Variants in FAM240C observed in about 807,000 individuals in gnomAD.
FAM240C encodes the protein protein FAM240C.
FAM240C carries 14 observed loss-of-function variants against 10.0 expected under a neutral mutation model. The ratio of observed to expected loss-of-function variants is 1.40; its 90% CI spans 0.92 to 2.19. The LOEUF is 2.19. FAM240C is among the 30% of genes most tolerant of loss of function. FAM240C has a pLI of 0.00. For missense variants in FAM240C, 154 were observed against 122.3 expected, an observed-to-expected ratio of 1.26 and a Z score of -1.22; for synonymous variants, 49 against 44.3, an observed-to-expected ratio of 1.11 and a Z score of -0.42.
intron 2 of FAM240C, among the ~76,000 whole-genome samples, chr2:241,894,579 G>A (rs939413241): frequency 3.8e-5 from 5 of 132,520 alleles, no homozygotes; most frequent in Admixed American, 9.9e-5. Flanking sequence ...TTGGTGGGGG[G>A]GGGGGGGGGC....
chr2:241,896,911 G>T lies in FAM240C; in HGVS notation c.161+275C>A, dbSNP rs148801852. Among the ~76,000 whole-genome samples, 848 of 151,292 alleles carry T rather than the reference G, an allele frequency of 5.6e-3. 18 individuals carry two copies. Among genetic ancestry groups the T allele is most frequent in the African/African-American group, 0.019 (791 of 40,816 alleles). On this transcript the variant is annotated intron_variant, in intron 2 of 2. Transcript: ENST00000404031. ...GGGCATTGGGGTGTGGTGTTGCCTGGATAGTGATGTTTGATCTGAGCTCCT... is the reference window on the plus strand; with the variant it reads ...GGGCATTGGGGTGTGGTGTTGCCTGTATAGTGATGTTTGATCTGAGCTCCT...
At chr2:241,894,390 G>C (rs1701736470) in intron 2 of FAM240C, 51 bp from the exon 3 acceptor site, 2 of 1,512,080 alleles carry the variant, frequency 1.3e-6, no homozygotes, top group Non-Finnish European at 1.8e-6. Context: ...TCGGAACTTA[G>C]TGACGGCCAA....
chr2:241,894,107 T>G lies in FAM240C; in HGVS notation c.*106A>C. 1 of 1,322,152 alleles carries G rather than the reference T, an allele frequency of 7.6e-7. No individual in the cohort carries two copies. Among genetic ancestry groups the G allele is most frequent in the South Asian group, 1.5e-5 (1 of 66,970 alleles). The allele number at this position is 1,322,152 out of a possible 1,614,324, so 81.9% of individuals were successfully genotyped here. The stretch of plus-strand genomic sequence containing the variant: ...GTCAGCGAGGTGCGGGCCATTTCCA[T>G]GATGAAGATCCTGTGAACTCTGGCG... On this transcript the variant is annotated 3_prime_UTR_variant, in exon 3 of 3. Coordinates refer to ENST00000404031, the MANE Select transcript of FAM240C (RefSeq NM_001382368.1).
intron 2 of FAM240C, among the ~76,000 whole-genome samples, chr2:241,895,509 G>C (rs1286500517): frequency 6.6e-6 from 1 of 152,238 alleles, no homozygotes; most frequent in Admixed American, 6.5e-5. Context: ...CCTGGGGTGG[G>C]CCTGGCCCTT....
In FAM240C at chr2:241,894,419, C is replaced by G. The variant is rs1701737847; in HGVS notation, c.162-80G>C. 13 of 1,456,424 alleles carry G rather than the reference C, an allele frequency of 8.9e-6. No individual in the cohort carries two copies. In the Admixed American group the frequency reaches 1.2e-4, roughly 14 times the overall value. 90.2% of individuals were successfully genotyped at this position (1,456,424 alleles called of 1,614,324 possible). A position where few individuals can be genotyped will look rare whatever the true frequency, so the allele number is the denominator to read the frequency against. ...CGGCCAAGCCCGTGTCTCTCAGCAC[C>G]TGGGCACCTGTGAGAGCAGGAGTAT... On this transcript the variant is annotated intron_variant, in intron 2 of 2. Transcript: ENST00000404031.
chr2:241,902,487 G>GCCC (rs1344624790), upstream of FAM240C: 1 of 153,278 alleles, frequency 6.5e-6, no homozygotes, highest in East Asian at 1.9e-4. This position sits in a 1 kb window ranked among gnomAD's most constrained non-coding sequence, Gnocchi z 7.1. Context: ...CCCGTCCTGC[G>GCCC]CCCCTGTACC....
At chr2:241,902,178 T>A (rs1230514685), upstream of FAM240C, among the ~76,000 whole-genome samples, 1 of 152,112 alleles carries the variant, frequency 6.6e-6, no homozygotes, top group African/African-American at 2.4e-5. The surrounding 1 kb of genome is among the most constrained non-coding windows in gnomAD (Gnocchi z 7.1). Context: ...TGCAGTGGGC[T>A]CCAGACAACC....
At chr2:241,901,225 G>A (rs548563691), upstream of FAM240C, among the ~76,000 whole-genome samples, 4 of 152,300 alleles carry the variant, frequency 2.6e-5, no homozygotes, top group South Asian at 2.1e-4. This position sits in a 1 kb window ranked among gnomAD's most constrained non-coding sequence, Gnocchi z 4.9. Context: ...TCAGGTAGAT[G>A]CACAAAGTGA....
intron 2 of FAM240C, among the ~76,000 whole-genome samples, chr2:241,895,920 A>C (rs1278657323): frequency 1.4e-5 from 2 of 140,054 alleles, no homozygotes; most frequent in Non-Finnish European, 3.1e-5. Context: ...CAGGAAGCAC[A>C]GGGCGGGGAT....
At chr2:241,896,399 G>A (rs1701804499) in intron 2 of FAM240C, among the ~76,000 whole-genome samples, 1 of 152,038 alleles carries the variant, frequency 6.6e-6, no homozygotes, top group Non-Finnish European at 1.5e-5. Context: ...CAAGGGCAGT[G>A]ATCTCAGAAA....
At chr2:241,895,573 G>A (rs1701776120) in intron 2 of FAM240C, among the ~76,000 whole-genome samples, 1 of 152,252 alleles carries the variant, frequency 6.6e-6, no homozygotes, top group East Asian at 1.9e-4. Flanking sequence ...CATGCGGGGA[G>A]GAAAGTTAGG....
chr2:241,897,090 G>T, intron 2 of FAM240C, 96 bp downstream of exon 2: 2 of 1,362,114 alleles, frequency 1.5e-6, no homozygotes, highest in South Asian at 1.4e-5. Context: ...GAGGGCCAGG[G>T]CTGTGTCAGG....
intron 1 of FAM240C, chr2:241,899,001 C>T (rs1701916683): frequency 1.3e-6 from 1 of 747,806 alleles, no homozygotes; most frequent in Non-Finnish European, 2.1e-6. Flanking sequence ...TTTCTCTTTC[C>T]CCGCCCCCCA....
rs1225388846 is a variant in FAM240C, at chr2:241,900,418, T to C, written c.-49A>G. ...CTGTCTCTGTTGAGGGTCCTCAGCC[T>C]GTCCTCTCCGGGGTGCACGCCTGTA... On this transcript the variant is annotated 5_prime_UTR_variant, in exon 1 of 3. Coordinates refer to ENST00000404031, the MANE Select transcript of FAM240C (RefSeq NM_001382368.1). This position sits in a 1 kb window ranked among gnomAD's most constrained non-coding sequence, Gnocchi z 4.5. The C allele has an allele frequency of 1.4e-6, 1 of 716,740 alleles. No homozygotes were observed. The highest frequency in any genetic ancestry group is 2.0e-5 in the Admixed American group (1 of 49,984). The allele number at this position is 716,740 out of a possible 1,614,324, so 44.4% of individuals were successfully genotyped here.
chr2:241,897,276 C>A lies in FAM240C; in HGVS notation c.71G>T (p.Gly24Val). Residue 24 changes from glycine to valine, a missense_variant, in exon 2 of 3, where the codon GGG (glycine) becomes GTG (valine). Gly to Val is a moderately radical substitution (Grantham distance 109, BLOSUM62 -3). Coordinates refer to ENST00000404031, the MANE Select transcript of FAM240C (RefSeq NM_001382368.1). The part of the protein sequence containing the change: ...NPGRVAYDSG[G>V]IKMFWEKKIE... ...TTTTTTCTCCCAAAACATCTTTATC[C>A]CGCCTGAATCGTATGCTACTCTTCC... 1 of 1,549,840 alleles carries A rather than the reference C, an allele frequency of 6.5e-7. No homozygotes were observed. Among genetic ancestry groups the A allele is most frequent in the Non-Finnish European group, 8.7e-7 (1 of 1,146,530 alleles).
Position 241,894,259 on chromosome 2 carries a change from G to A in FAM240C, c.242C>T (p.Pro81Leu), listed in dbSNP as rs752535395. 23 of 1,549,982 alleles carry A rather than the reference G, an allele frequency of 1.5e-5. No individual in the cohort carries two copies. Among genetic ancestry groups the A allele is most frequent in the Admixed American group, 1.4e-4 (7 of 51,002 alleles). ...QGPGRCPDRV[P>L]EATESLHTKD... ...GGTGTGGAGGGACTCAGTGGCCTCCGGGACCCTGTCTGGGCATCTCCCTGG... is the reference window on the plus strand; with the variant it reads ...GGTGTGGAGGGACTCAGTGGCCTCCAGGACCCTGTCTGGGCATCTCCCTGG... The change falls in exon 3 of 3, where the codon CCG becomes CTG. Residue 81 changes from proline to leucine, a missense_variant. Physicochemically the swap from Pro to Leu is moderately conservative, Grantham distance 98 (BLOSUM62 -3). Transcript: ENST00000404031.
upstream of FAM240C, chr2:241,902,398 C>T (rs1702006543): frequency 1.4e-5 from 2 of 147,766 alleles, no homozygotes; most frequent in South Asian, 3.6e-4. The surrounding 1 kb of genome is among the most constrained non-coding windows in gnomAD (Gnocchi z 7.1). Flanking sequence ...CGCCTCCCCT[C>T]CGCCGCCGCC....
At chr2:241,895,971 G>T (rs1701789228) in intron 2 of FAM240C, among the ~76,000 whole-genome samples, 1 of 151,946 alleles carries the variant, frequency 6.6e-6, no homozygotes, top group African/African-American at 2.4e-5. Flanking sequence ...GGTGGGGGGG[G>T]GCCTCTCCTT....
intron 2 of FAM240C, among the ~76,000 whole-genome samples, chr2:241,896,017 C>T (rs997447557): frequency 3.3e-5 from 5 of 152,022 alleles, no homozygotes; most frequent in African/African-American, 1.2e-4. Flanking sequence ...TGGTGCTGGG[C>T]TCTGTGCTGG....
Sources: gnomAD v4.1 joint callset for allele counts (sites outside exome capture counted in the v4.1 genomes callset) on GRCh38, gnomAD v4.1.1 for gene constraint, Gnocchi (gnomAD v3.1) non-coding constraint, MANE v1.5 for transcripts, NCBI Gene and HGNC (gene_info 2026-07-23, HGNC 2026-07-21) for gene names.